The following TAFA2 variants were observed in gnomAD, a reference collection of about 807,000 sequenced individuals.
TAFA2 encodes chemokine-like protein TAFA-2.
Under a neutral mutation model 18.8 loss-of-function variants are expected in TAFA2, and 7 were observed. That is an observed-to-expected ratio of 0.37 (90% CI 0.21 to 0.70). The LOEUF (loss-of-function observed/expected upper bound fraction) is 0.70, where lower values mean the gene tolerates loss of function less well. Among genes scored for constraint, TAFA2 ranks in the 30% least tolerant of loss-of-function variants. TAFA2 has a pLI of 0.53. For synonymous variants in TAFA2, 60 were observed against 54.2 expected, an observed-to-expected ratio of 1.11 and a Z score of -0.47; for missense variants, 122 against 158.1, an observed-to-expected ratio of 0.77 and a Z score of 1.23.
At chr12:61,941,726 A>G (rs1878026907) in intron 1 of TAFA2, among the ~76,000 whole-genome samples, 1 of 152,202 alleles carries the variant, frequency 6.6e-6, no homozygotes, top group African/African-American at 2.4e-5. Context: ...CTCCCACCCG[A>G]ATATTGCGCT....
intron 1 of TAFA2, among the ~76,000 whole-genome samples, chr12:62,142,002 A>G (rs570419885): frequency 3.3e-5 from 5 of 152,296 alleles, no homozygotes; most frequent in African/African-American, 1.2e-4. Flanking sequence ...AGTGCCCACT[A>G]ATGCCAGGCA....
At chr12:61,745,712 A>G (rs1309871889) in intron 4 of TAFA2, among the ~76,000 whole-genome samples, 1 of 151,804 alleles carries the variant, frequency 6.6e-6, no homozygotes, top group East Asian at 1.9e-4. Flanking sequence ...ACAAACACTA[A>G]TCTAAGCACT....
At chr12:62,049,271 A>G (rs906657141) in intron 1 of TAFA2, among the ~76,000 whole-genome samples, 1 of 152,230 alleles carries the variant, frequency 6.6e-6, no homozygotes, top group Non-Finnish European at 1.5e-5. Flanking sequence ...ATTTTCTCAA[A>G]GAGTCACCAA....
At chr12:61,788,575 G>T (rs1388727020) in intron 2 of TAFA2, among the ~76,000 whole-genome samples, 1 of 151,656 alleles carries the variant, frequency 6.6e-6, no homozygotes, top group African/African-American at 2.4e-5. Flanking sequence ...AAATGATATA[G>T]AGCCTAGAAA....
intron 1 of TAFA2, among the ~76,000 whole-genome samples, chr12:62,172,237 TCCTTCCTC>T (rs1195793774): frequency 2.0e-5 from 3 of 152,182 alleles, no homozygotes; most frequent in South Asian, 4.2e-4. Context: ...CTTCCTCCCT[TCCTTCCTC>T]CCTTCCTTCA....
intron 1 of TAFA2, among the ~76,000 whole-genome samples, chr12:62,210,838 A>C (rs1039802323): frequency 1.3e-5 from 2 of 152,228 alleles, no homozygotes; most frequent in Non-Finnish European, 2.9e-5. Flanking sequence ...AAGCAGCCAA[A>C]AATAAGAGAA....
chr12:61,876,538 T>A (rs140160280), intron 1 of TAFA2, among the ~76,000 whole-genome samples: 2 of 152,194 alleles, frequency 1.3e-5, no homozygotes, highest in African/African-American at 4.8e-5. Flanking sequence ...CAGCAAACCA[T>A]TAAAACATGG....
Position 61,910,224 on chromosome 12 carries a change from A to G in TAFA2, c.-1-42798T>C, listed in dbSNP as rs115104972. On this transcript the variant is annotated intron_variant, in intron 1 of 4. Transcript: ENST00000416284. The stretch of plus-strand genomic sequence containing the variant: ...CATGAACTAACAAGACAATTCATGG[A>G]TTTTAGGGGTACAATCCACAGTGTA... Among the ~76,000 whole-genome samples, 1,277 of 152,086 alleles carry G rather than the reference A, an allele frequency of 8.4e-3. 12 individuals carry two copies. The highest frequency in any genetic ancestry group is 0.028 in the African/African-American group (1,155 of 41,474).
At chr12:61,941,204 CA>C (rs1216500233) in intron 1 of TAFA2, among the ~76,000 whole-genome samples, 2 of 151,992 alleles carry the variant, frequency 1.3e-5, no homozygotes, top group Non-Finnish European at 2.9e-5. Context: ...AGTACCAAAA[CA>C]AAAACTTATA....
chr12:62,113,537 C>T (rs1869827815), intron 1 of TAFA2, among the ~76,000 whole-genome samples: 1 of 152,166 alleles, frequency 6.6e-6, no homozygotes, highest in Non-Finnish European at 1.5e-5. Flanking sequence ...AGGAGATCCA[C>T]TGCTCTTCTG....
intron 1 of TAFA2, among the ~76,000 whole-genome samples, chr12:61,928,987 A>G (rs923217996): frequency 1.3e-5 from 2 of 151,976 alleles, no homozygotes; most frequent in Non-Finnish European, 2.9e-5. Flanking sequence ...GGAGGGGAAC[A>G]TCACACACTG....
At chr12:62,174,496 GA>G (rs921015947) in intron 1 of TAFA2, among the ~76,000 whole-genome samples, 1 of 152,162 alleles carries the variant, frequency 6.6e-6, no homozygotes, top group African/African-American at 2.4e-5. Flanking sequence ...GGAGTGGAGG[GA>G]AATTGAGTTG....
At chr12:61,983,734 G>A (rs1234090405) in intron 1 of TAFA2, among the ~76,000 whole-genome samples, 1 of 152,178 alleles carries the variant, frequency 6.6e-6, no homozygotes, top group African/African-American at 2.4e-5. Context: ...AAGAATCAGA[G>A]AAGTTGGTGC....
chr12:61,753,390 G>T (rs528131715), intron 4 of TAFA2, among the ~76,000 whole-genome samples: 9 of 152,152 alleles, frequency 5.9e-5, no homozygotes, highest in African/African-American at 1.7e-4. Context: ...GGAGCAAACA[G>T]TGTTTATTGA....
At chr12:62,135,982 T>C (rs187723834) in intron 1 of TAFA2, 3 of 152,256 alleles carry the variant, frequency 2.0e-5, no homozygotes, top group East Asian at 3.9e-4. Context: ...TGCTCTTTTT[T>C]ATGCCAGACG....
intron 1 of TAFA2, among the ~76,000 whole-genome samples, chr12:62,043,564 G>A (rs1881826489): frequency 1.3e-5 from 2 of 152,126 alleles, no homozygotes; most frequent in East Asian, 1.9e-4. Context: ...GTATACATAT[G>A]TAACAAACCT....
intron 1 of TAFA2, among the ~76,000 whole-genome samples, chr12:62,115,235 C>T (rs893794127): frequency 1.3e-5 from 2 of 152,116 alleles, no homozygotes; most frequent in African/African-American, 2.4e-5. Flanking sequence ...AAAATTTGCA[C>T]CCTTTGCACC....
At chr12:61,926,790 A>G (rs762454429) in intron 1 of TAFA2, among the ~76,000 whole-genome samples, 3 of 152,218 alleles carry the variant, frequency 2.0e-5, no homozygotes, top group Non-Finnish European at 1.5e-5. Flanking sequence ...TGGGCACAAG[A>G]GGGCAGGTGC....
chr12:62,113,067 G>GAA (rs1869803878), intron 1 of TAFA2, among the ~76,000 whole-genome samples: 2 of 152,018 alleles, frequency 1.3e-5, no homozygotes, highest in Admixed American at 6.5e-5. Context: ...GAGGGATTCT[G>GAA]TTTTTGGAAT....
Sources: gnomAD v4.1 joint callset for allele counts (sites outside exome capture counted in the v4.1 genomes callset) on GRCh38, gnomAD v4.1.1 for gene constraint, MANE v1.5 for transcripts, NCBI Gene and HGNC (gene_info 2026-07-23, HGNC 2026-07-21) for gene names.